ADAMTS13: variants seen among roughly 807,000 people sequenced by gnomAD.
ADAMTS13 encodes the protein ADAM metallopeptidase with thrombospondin type 1 motif 13.
A neutral mutation model predicts 155.1 loss-of-function variants in ADAMTS13; 110 were observed. The ratio of observed to expected loss-of-function variants is 0.71; its 90% CI spans 0.61 to 0.83. The LOEUF (loss-of-function observed/expected upper bound fraction) is 0.83. Among genes scored for constraint, ADAMTS13 ranks in the 40% least tolerant of loss-of-function variants. The pLI is 0.00. For synonymous variants in ADAMTS13, 758 were observed against 756.4 expected (o/e 1.00, Z -0.03); for missense variants, 1,707 against 1,891.7 (o/e 0.90, Z 1.81).
intron 23 of ADAMTS13, among the ~76,000 whole-genome samples, chr9:133,450,731 C>A (rs1842387448): frequency 6.6e-6 from 1 of 152,164 alleles, no homozygotes; most frequent in Non-Finnish European, 1.5e-5. Context: ...GCCTGGGCTA[C>A]AGAGCGAGAC....
At position 133,449,511 on chromosome 9, in the gene ADAMTS13, G is replaced by C. The variant is rs36221911; in HGVS notation, c.2862-272G>C. On this transcript the variant is annotated intron_variant, in intron 22 of 28. Coordinates refer to ENST00000355699, the MANE Select transcript of ADAMTS13 (RefSeq NM_139027.6). ...GAAGACAGACATGCAGGGCCCTTGG[G>C]TGCCCGGACCCCTGCCCCCACTGTC... Among the ~76,000 whole-genome samples, 5,587 of 152,166 alleles carry C rather than the reference G, an allele frequency of 0.037. 209 individuals are homozygous for C. Among genetic ancestry groups the C allele is most frequent in the African/African-American group, 0.086 (3,549 of 41,482 alleles).
chr9:133,453,019 C>T (rs946352863), intron 23 of ADAMTS13, among the ~76,000 whole-genome samples: 17 of 152,152 alleles, frequency 1.1e-4, no homozygotes, highest in Admixed American at 2.6e-4. Context: ...CGGTCCAGAA[C>T]GGCACTCTCG....
chr9:133,449,670 C>A, intron 22 of ADAMTS13, 113 bp from the exon 23 acceptor site: 1 of 1,257,854 alleles, frequency 8.0e-7, no homozygotes, highest in Non-Finnish European at 1.1e-6. Context: ...CCTCTCCGGG[C>A]CCTTCCCAGC....
intron 13 of ADAMTS13, 74 bp from the exon 14 acceptor site, chr9:133,438,172 G>A (rs1357574063): frequency 6.2e-7 from 1 of 1,612,106 alleles, no homozygotes; most frequent in African/African-American, 1.3e-5. Flanking sequence ...GAATCTCAGA[G>A]CTGGCAGGGC....
In ADAMTS13 at chr9:133,440,627, T is replaced by G. The variant is rs1174032947; in HGVS notation, c.1968+102T>G. On this transcript the variant is annotated intron_variant, in intron 16 of 28. Coordinates refer to ENST00000355699, the MANE Select transcript of ADAMTS13 (RefSeq NM_139027.6). This position sits in a 1 kb window ranked among gnomAD's most constrained non-coding sequence, Gnocchi z 4.3. ...ATCCATTCCCTGATTCGTTCATTTA[T>G]TCATTCAGCGGTCACTTACAGGGGA... 7.4e-7 allele frequency: 1 copy of G among 1,360,066 alleles called. No homozygotes were observed. The highest frequency in any genetic ancestry group is 1.5e-5 in the African/African-American group (1 of 68,728). 84.2% of individuals were successfully genotyped at this position (1,360,066 alleles called of 1,614,324 possible). A position where few individuals can be genotyped will look rare whatever the true frequency, so the allele number is the denominator to read the frequency against.
chr9:133,428,619 C>T lies in ADAMTS13; in HGVS notation c.687-15C>T. 1 of 1,295,210 alleles carries T rather than the reference C, an allele frequency of 7.7e-7. No homozygotes were observed. The highest frequency in any genetic ancestry group is 9.8e-7 in the Non-Finnish European group (1 of 1,019,900). The allele number at this position is 1,295,210 out of a possible 1,614,324, so 80.2% of individuals were successfully genotyped here. A position where few individuals can be genotyped will look rare whatever the true frequency, so the allele number is the denominator to read the frequency against. On this transcript the variant is annotated splice_polypyrimidine_tract_variant and intron_variant, in intron 6 of 28. Transcript: ENST00000355699. ...CTGCCGGCCGCCTTAGCGCAACTCC[C>T]CGCCCCCCGACCAGCTTCGGCCTGG...
In ADAMTS13 at chr9:133,455,315, C is replaced by T. The variant is rs781965782; in HGVS notation, c.3280C>T (p.Arg1094Cys). The T allele has an allele frequency of 1.1e-5, 18 of 1,605,238 alleles. No homozygotes were observed. The highest frequency in any genetic ancestry group is 5.3e-5 in the African/African-American group (4 of 74,934). ...TGTTTCCTGTGGGGATGGCATCCAGCGCCGGCGTGACACCTGCCTCGGACC... is the reference window on the plus strand; with the variant it reads ...TGTTTCCTGTGGGGATGGCATCCAGTGCCGGCGTGACACCTGCCTCGGACC... ...CSVSCGDGIQ[R>C]RRDTCLGPQA... The change falls in exon 25 of 29, where the codon CGC becomes TGC. Residue 1094 changes from arginine (R) to cysteine (C), a missense_variant. Around this residue, in one of 3 missense-constraint regions of ADAMTS13, gnomAD observed 961 missense variants for 1,107.9 expected, o/e 0.87. Transcript: ENST00000355699.
At chr9:133,426,448 C>T (rs907005959) in intron 6 of ADAMTS13, 103 bp downstream of exon 6, 17 of 1,475,376 alleles carry the variant, frequency 1.2e-5, no homozygotes, top group Non-Finnish European at 1.5e-5. Flanking sequence ...TAGAGTTTCT[C>T]CAGAGGAGCC....
At position 133,432,603 on chromosome 9, in the gene ADAMTS13, C is replaced by T. The variant is rs1554787776; in HGVS notation, c.1003C>T (p.Leu335Phe). The change falls in exon 9 of 29, where the codon CTC becomes TTC. Residue 335 changes from leucine (L) to phenylalanine (F), a missense_variant. Coordinates refer to ENST00000355699, the MANE Select transcript of ADAMTS13 (RefSeq NM_139027.6). Reference protein sequence around the residue: ...AREHLDMCQALSCHTDPLDQS... With the variant: ...AREHLDMCQAFSCHTDPLDQS... ...ACCCTCCTAGGATATGTGCCAGGCC[C>T]TCTCCTGCCACACAGACCCGCTGGA... 1.9e-6 allele frequency: 3 copies of T among 1,553,478 alleles called. No individual in the cohort carries two copies. Among genetic ancestry groups the T allele is most frequent in the East Asian group, 4.8e-5 (2 of 41,336 alleles).
Position 133,432,634 on chromosome 9 carries a change from G to A in ADAMTS13, c.1034G>A (p.Ser345Asn). Residue 345 changes from serine (S) to asparagine (N), a missense_variant, in exon 9 of 29, where the codon AGC becomes AAC. By Grantham distance (46) the Ser-to-Asn change is conservative. Transcript: ENST00000355699. ...TGCCACACAGACCCGCTGGACCAAA[G>A]CAGCTGCAGCCGCCTCCTCGTTCCT... ...LSCHTDPLDQ[S>N]SCSRLLVPLL... The A allele has an allele frequency of 1.9e-6, 3 of 1,559,016 alleles. No individual in the cohort carries two copies. Among genetic ancestry groups the A allele is most frequent in the Non-Finnish European group, 1.7e-6 (2 of 1,150,840 alleles).
intron 11 of ADAMTS13, among the ~76,000 whole-genome samples, chr9:133,435,906 G>A (rs1167876538): frequency 6.6e-6 from 1 of 151,484 alleles, no homozygotes; most frequent in Non-Finnish European, 1.5e-5. Flanking sequence ...CCAGCATTGC[G>A]CCAGGGTTCC....
intron 12 of ADAMTS13, 115 bp downstream of exon 12, chr9:133,437,070 A>G: frequency 1.5e-6 from 2 of 1,359,750 alleles, no homozygotes; most frequent in Non-Finnish European, 9.9e-7. Flanking sequence ...AAAGTGGTTC[A>G]GGCTCTGGCA....
Position 133,425,664 on chromosome 9 carries a change from C to A in ADAMTS13, c.414+52C>A. 1.9e-6 allele frequency: 3 copies of A among 1,569,130 alleles called. No homozygotes were observed. In the South Asian group the frequency reaches 3.4e-5, roughly 18 times the overall value. On this transcript the variant is annotated intron_variant, in intron 4 of 28. Transcript: ENST00000355699. This position sits in a 1 kb window ranked among gnomAD's most constrained non-coding sequence, Gnocchi z 4.6. ...ACCATACAGAGCGGGAAGCCCAAGT[C>A]ATCGCATCTCCATCCTCTTTAACCT...
In ADAMTS13 at chr9:133,454,588, C is replaced by T. The variant is rs782531291; in HGVS notation, c.3218C>T (p.Thr1073Ile). 7.5e-6 allele frequency: 12 copies of T among 1,605,276 alleles called. No individual in the cohort carries two copies. Among genetic ancestry groups the T allele is most frequent in the Non-Finnish European group, 1.0e-5 (12 of 1,179,740 alleles). The stretch of plus-strand genomic sequence containing the variant: ...GTCCCCTGTCTCATTGCCGACTGCA[C>T]CTACCGCTGGCATGTTGGCACCTGG... ...ASVPCLIADC[T>I]YRWHVGTWME... The change falls in exon 24 of 29, where the codon ACC (threonine) becomes ATC (isoleucine). Residue 1073 changes from threonine (T) to isoleucine (I), a missense_variant. Physicochemically the swap from Thr to Ile is moderately conservative, Grantham distance 89. This residue lies in a region of ADAMTS13 where 961 missense variants were observed against 1,107.9 expected (regional missense o/e 0.87). Transcript: ENST00000355699.
In ADAMTS13 at chr9:133,440,497, G is replaced by C; in HGVS notation, c.1940G>C (p.Gly647Ala). 1.9e-6 allele frequency: 3 copies of C among 1,611,392 alleles called. No homozygotes were observed. Among genetic ancestry groups the C allele is most frequent in the Non-Finnish European group, 2.5e-6 (3 of 1,178,698 alleles). Reference sequence around the variant, plus strand: ...CGCCTGGAGGAGATCCGCATCTGGGGACCCCTCCAGGAAGATGCTGACATC... The same window carrying C: ...CGCCTGGAGGAGATCCGCATCTGGGCACCCCTCCAGGAAGATGCTGACATC... Reference protein sequence around the residue: ...LPRLEEIRIWGPLQEDADIQV... With the variant: ...LPRLEEIRIWAPLQEDADIQV... The change falls in exon 16 of 29, where the codon GGA (glycine) becomes GCA (alanine). Residue 647 changes from glycine to alanine, a missense_variant. Gly to Ala is a moderately conservative substitution (Grantham distance 60). Around this residue, in one of 3 missense-constraint regions of ADAMTS13, gnomAD observed 961 missense variants for 1,107.9 expected, o/e 0.87. Coordinates refer to ENST00000355699, the MANE Select transcript of ADAMTS13 (RefSeq NM_139027.6). The surrounding 1 kb of genome is among the most constrained non-coding windows in gnomAD (Gnocchi z 4.3).
chr9:133,436,211 G>A (rs2130841699), intron 11 of ADAMTS13, among the ~76,000 whole-genome samples: 1 of 151,906 alleles, frequency 6.6e-6, no homozygotes, highest in South Asian at 2.1e-4. Flanking sequence ...TGCTTCGATG[G>A]CCCTGGGTGT....
At chr9:133,454,167 C>T (rs782465154) in intron 23 of ADAMTS13, among the ~76,000 whole-genome samples, 4 of 152,028 alleles carry the variant, frequency 2.6e-5, no homozygotes, top group Non-Finnish European at 4.4e-5. Context: ...GTGATAAAGG[C>T]GACTAGAGGG....
chr9:133,417,015 CGTT>C (rs1223647322), upstream of ADAMTS13, among the ~76,000 whole-genome samples: 9 of 152,268 alleles, frequency 5.9e-5, no homozygotes, highest in East Asian at 3.9e-4. Flanking sequence ...TGTGTTCTTT[CGTT>C]GTTGTTGTTT....
At chr9:133,450,132 T>TA (rs947278662) in intron 23 of ADAMTS13, among the ~76,000 whole-genome samples, 167 bp downstream of exon 23, 27 of 147,178 alleles carry the variant, frequency 1.8e-4, no homozygotes, top group Middle Eastern at 3.5e-3. Flanking sequence ...ACCTCATCTC[T>TA]AAAAAAAAAA....
Sources: allele counts gnomAD v4.1 joint callset (sites outside exome capture counted in the v4.1 genomes callset), GRCh38; gene constraint gnomAD v4.1.1; regional missense constraint gnomAD v4.1.1; non-coding constraint Gnocchi (gnomAD v3.1); transcripts MANE v1.5; gene names NCBI Gene and HGNC (gene_info 2026-07-23, HGNC 2026-07-21).